The following SHISA6 variants were observed in gnomAD, a reference collection of about 807,000 sequenced individuals.
SHISA6 encodes protein shisa-6.
A neutral mutation model predicts 47.9 loss-of-function variants in SHISA6; 22 were observed. That is an observed-to-expected ratio of 0.46 (90% CI 0.33 to 0.66). The LOEUF (loss-of-function observed/expected upper bound fraction) is 0.66, where lower values mean the gene tolerates loss of function less well. Ranked by LOEUF, SHISA6 falls within the 30% of genes least tolerant of loss-of-function variation. The pLI, the probability that SHISA6 is intolerant of heterozygous loss-of-function variation, is 0.02. For synonymous variants in SHISA6, 388 were observed against 337.8 expected (o/e 1.15, Z -1.63); for missense variants, 680 against 764.6 (o/e 0.89, Z 1.30).
At chr17:11,311,303 G>A (rs1910334665) in intron 2 of SHISA6, among the ~76,000 whole-genome samples, 1 of 128,740 alleles carries the variant, frequency 7.8e-6, no homozygotes, top group South Asian at 2.5e-4. Context: ...AAAAAAAACC[G>A]ACAAACAAAA....
intron 2 of SHISA6, among the ~76,000 whole-genome samples, chr17:11,311,230 C>A (rs1910324402): frequency 7.2e-6 from 1 of 138,586 alleles, no homozygotes; most frequent in Non-Finnish European, 1.5e-5. Context: ...TGCAGTGAGC[C>A]AATATCGCAC....
chr17:11,451,232 A>G (rs1308832411), intron 3 of SHISA6, among the ~76,000 whole-genome samples: 1 of 152,098 alleles, frequency 6.6e-6, no homozygotes, highest in East Asian at 1.9e-4. Context: ...GCCCCCTTCA[A>G]TAGGCTCTCC....
chr17:11,255,366 A>G (rs921573823), intron 1 of SHISA6, among the ~76,000 whole-genome samples: 1 of 152,212 alleles, frequency 6.6e-6, no homozygotes, highest in Non-Finnish European at 1.5e-5. Flanking sequence ...AAAGGAAGAA[A>G]GAAAAAGAGA....
At chr17:11,242,083 G>GCCCCGGTCT (rs982269875) in intron 1 of SHISA6, 23 bp downstream of exon 1, 3 of 1,548,450 alleles carry the variant, frequency 1.9e-6, no homozygotes, top group Admixed American at 3.9e-5. Context: ...CGTGCCGCGC[G>GCCCCGGTCT]CCCCGGTCTC....
chr17:11,530,970 A>G (rs2071727174), intron 3 of SHISA6, among the ~76,000 whole-genome samples: 1 of 152,182 alleles, frequency 6.6e-6, no homozygotes, highest in Non-Finnish European at 1.5e-5. Context: ...GATGTTTGGT[A>G]GGTTACTGCA....
At chr17:11,306,285 C>T (rs912607227) in intron 2 of SHISA6, among the ~76,000 whole-genome samples, 9 of 152,144 alleles carry the variant, frequency 5.9e-5, no homozygotes, top group Non-Finnish European at 1.0e-4. Flanking sequence ...CACCACAAGC[C>T]TTCATCCATC....
At chr17:11,282,705 A>G (rs1329062010) in intron 2 of SHISA6, among the ~76,000 whole-genome samples, 1 of 152,196 alleles carries the variant, frequency 6.6e-6, no homozygotes, top group African/African-American at 2.4e-5. Context: ...AGCTTCATCC[A>G]GATACATGGT....
chr17:11,278,179 T>C (rs957731208), intron 2 of SHISA6, among the ~76,000 whole-genome samples: 4 of 152,178 alleles, frequency 2.6e-5, no homozygotes, highest in Admixed American at 6.5e-5. Context: ...CTGTGAGTGC[T>C]TAGAATGGGG....
At chr17:11,258,702 T>C (rs750796119) in intron 1 of SHISA6, among the ~76,000 whole-genome samples, 1 of 152,210 alleles carries the variant, frequency 6.6e-6, no homozygotes, top group Non-Finnish European at 1.5e-5. Flanking sequence ...ATTGGTGTTC[T>C]AGTCAGGATT....
At chr17:11,373,830 T>C (rs1912703668) in intron 2 of SHISA6, among the ~76,000 whole-genome samples, 1 of 152,256 alleles carries the variant, frequency 6.6e-6, no homozygotes, top group Admixed American at 6.5e-5. Context: ...TTCTTTTCCC[T>C]AATTGTCGGT....
In SHISA6 at chr17:11,559,878, G is replaced by C. The variant is rs886359554; in HGVS notation, c.*1574G>C. ...CGCTCCCCCAAGACCAGAGAGCCTGGTGGGGGAAAGAAGGGGTTCCCTCAT... is the reference window on the plus strand; with the variant it reads ...CGCTCCCCCAAGACCAGAGAGCCTGCTGGGGGAAAGAAGGGGTTCCCTCAT... On this transcript the variant is annotated 3_prime_UTR_variant, in exon 6 of 6. Coordinates refer to ENST00000441885, the MANE Select transcript of SHISA6 (RefSeq NM_207386.4). This position sits in a 1 kb window ranked among gnomAD's most constrained non-coding sequence, Gnocchi z 4.4. 1 of 152,286 alleles carries C rather than the reference G, an allele frequency of 6.6e-6. No homozygotes were observed. Among genetic ancestry groups the C allele is most frequent in the African/African-American group, 2.4e-5 (1 of 41,456 alleles). The allele number at this position is 152,286 out of a possible 1,614,324, so 9.4% of individuals were successfully genotyped here. A position where few individuals can be genotyped will look rare whatever the true frequency, so the allele number is the denominator to read the frequency against.
chr17:11,501,605 G>T (rs2142347321), intron 3 of SHISA6, among the ~76,000 whole-genome samples: 1 of 152,218 alleles, frequency 6.6e-6, no homozygotes, highest in East Asian at 1.9e-4. Flanking sequence ...GCCTCCATAG[G>T]TGCTAGAGGC....
intron 3 of SHISA6, among the ~76,000 whole-genome samples, chr17:11,542,334 G>GA (rs5819321): frequency 0.47 from 58,150 of 122,614 alleles, 11,618 homozygotes; most frequent in East Asian, 0.62. Flanking sequence ...AGTGCTACAA[G>GA]AAAAAAAAAA....
At chr17:11,496,217 A>G (rs1451555362) in intron 3 of SHISA6, among the ~76,000 whole-genome samples, 1 of 152,168 alleles carries the variant, frequency 6.6e-6, no homozygotes, top group Non-Finnish European at 1.5e-5. Context: ...GGTCCACAGG[A>G]GAGTGTTCAT....
intron 2 of SHISA6, among the ~76,000 whole-genome samples, chr17:11,298,222 C>T (rs554168540): frequency 5.9e-5 from 9 of 152,316 alleles, no homozygotes; most frequent in African/African-American, 2.2e-4. Flanking sequence ...TTCATTCCAG[C>T]ATCTATGTAC....
At chr17:11,344,884 C>T (rs402218) in intron 2 of SHISA6, among the ~76,000 whole-genome samples, 116,421 of 151,960 alleles carry the variant, frequency 0.77, 45,275 homozygotes, top group Non-Finnish European at 0.84. Context: ...ATTATTCCTC[C>T]TATCTAGCTG....
chr17:11,505,295 G>C (rs1004828756), intron 3 of SHISA6, among the ~76,000 whole-genome samples: 2 of 152,204 alleles, frequency 1.3e-5, no homozygotes, highest in Non-Finnish European at 2.9e-5. Context: ...ATTTGGATAA[G>C]TTCTTCCCAG....
chr17:11,466,809 G>A (rs546869413), intron 3 of SHISA6, among the ~76,000 whole-genome samples: 13 of 152,278 alleles, frequency 8.5e-5, no homozygotes, highest in Middle Eastern at 3.4e-3. Context: ...CACGGGGACC[G>A]TTCTCAGCCC....
At chr17:11,389,337 G>C (rs748431371) in intron 3 of SHISA6, among the ~76,000 whole-genome samples, 2 of 152,204 alleles carry the variant, frequency 1.3e-5, no homozygotes, top group Non-Finnish European at 2.9e-5. Context: ...CTGCAAGGCT[G>C]CTTGCTTGCG....
Sources: gnomAD v4.1 joint callset for allele counts (sites outside exome capture counted in the v4.1 genomes callset) on GRCh38, gnomAD v4.1.1 for gene constraint, Gnocchi (gnomAD v3.1) non-coding constraint, MANE v1.5 for transcripts, NCBI Gene and HGNC (gene_info 2026-07-23, HGNC 2026-07-21) for gene names.